LSMEM2: variants seen among roughly 807,000 people sequenced by gnomAD.
LSMEM2 encodes leucine rich single-pass membrane protein 2.
In LSMEM2, 20 loss-of-function variants were observed where a neutral mutation model predicts 17.3. That is an observed-to-expected ratio of 1.16 (90% CI 0.81 to 1.68). The LOEUF is 1.68. Ranked by LOEUF, LSMEM2 falls within the 40% of genes most tolerant of loss-of-function variation. The pLI, the probability that LSMEM2 is intolerant of heterozygous loss-of-function variation, is 0.00. For missense variants in LSMEM2, 207 were observed against 214.3 expected, an observed-to-expected ratio of 0.97 and a Z score of 0.21; for synonymous variants, 94 against 97.8, an observed-to-expected ratio of 0.96 and a Z score of 0.23.
upstream of LSMEM2, among the ~76,000 whole-genome samples, chr3:50,278,267 G>A (rs1701319680): frequency 6.6e-6 from 1 of 152,194 alleles, no homozygotes; most frequent in African/African-American, 2.4e-5. Context: ...CAACCACAGA[G>A]GGAAAGCTGG....
intron 1 of LSMEM2, among the ~76,000 whole-genome samples, chr3:50,281,970 A>G (rs754380676): frequency 1.3e-5 from 2 of 152,032 alleles, no homozygotes; most frequent in Non-Finnish European, 1.5e-5. Context: ...TCCTGCCTTC[A>G]GCCTCCTGAG....
At chr3:50,279,363 G>A (rs190699124) in intron 1 of LSMEM2, among the ~76,000 whole-genome samples, 192 bp downstream of exon 1, 1 of 152,184 alleles carries the variant, frequency 6.6e-6, no homozygotes, top group East Asian at 1.9e-4. Flanking sequence ...GGAGCCCCTT[G>A]TCACCTCAGG....
chr3:50,287,319 A>AT lies in LSMEM2; in HGVS notation c.*122dup, dbSNP rs1189912315. On this transcript the variant is annotated 3_prime_UTR_variant, in exon 4 of 4. Coordinates refer to ENST00000316436, the MANE Select transcript of LSMEM2 (RefSeq NM_153215.3). ...ACATCTACACTATTTCCTTGGTGAG[A>AT]TTTTTGTACAAGAACCTGTTGTTAA... 2.9e-6 allele frequency: 4 copies of AT among 1,364,200 alleles called. No individual in the cohort carries two copies. The highest frequency in any genetic ancestry group is 4.1e-6 in the Non-Finnish European group (4 of 982,708). 84.5% of individuals were successfully genotyped at this position (1,364,200 alleles called of 1,614,324 possible).
At chr3:50,286,202 A>G (rs1701519269) in intron 1 of LSMEM2, among the ~76,000 whole-genome samples, 1 of 152,232 alleles carries the variant, frequency 6.6e-6, no homozygotes, top group Non-Finnish European at 1.5e-5. Context: ...AGAAATAAGC[A>G]GGCAGAGGAA....
rs144025924 is a variant in LSMEM2, at chr3:50,281,670, ATT to A, written c.58+2523_58+2524del. On this transcript the variant is annotated intron_variant, in intron 1 of 3. Transcript: ENST00000316436. ...GAGCCACTGCGCCCGGCAGCAGGGA[ATT>A]TTTTTTTTTTTTTTTTTTTTTTTGG... 9.8e-3 allele frequency among the ~76,000 whole-genome samples: 936 copies of A among 95,468 alleles called. 10 individuals are homozygous for A. Among genetic ancestry groups the A allele is most frequent in the African/African-American group, 0.036 (865 of 23,782 alleles). 62.6% of individuals were successfully genotyped at this position (95,468 alleles called of 152,430 possible).
Position 50,287,125 on chromosome 3 carries a change from A to G in LSMEM2, c.418A>G (p.Thr140Ala). 1.2e-6 allele frequency: 2 copies of G among 1,614,038 alleles called. No individual in the cohort carries two copies. Among genetic ancestry groups the G allele is most frequent in the South Asian group, 2.2e-5 (2 of 91,080 alleles). Residue 140 changes from threonine to alanine, a missense_variant, in exon 4 of 4, where the codon ACA becomes GCA. Transcript: ENST00000316436. The part of the protein sequence containing the change: ...LAHTLRTQEE[T>A]LLKLRLASLS... Reference sequence around the variant, plus strand: ...ACACACGCTCCGCACGCAGGAGGAGACACTACTCAAACTCCGCTTGGCCAG... The same window carrying G: ...ACACACGCTCCGCACGCAGGAGGAGGCACTACTCAAACTCCGCTTGGCCAG...
At chr3:50,286,424 G>A in intron 1 of LSMEM2, 47 bp from the exon 2 acceptor site, 3 of 1,535,952 alleles carry the variant, frequency 2.0e-6, no homozygotes, top group Non-Finnish European at 2.6e-6. Flanking sequence ...GTAGAAGGAA[G>A]GGGGTTGACC....
upstream of LSMEM2, among the ~76,000 whole-genome samples, chr3:50,278,120 G>A (rs1357753907): frequency 6.6e-6 from 1 of 152,210 alleles, no homozygotes; most frequent in Non-Finnish European, 1.5e-5. Context: ...AAGCCCCTGA[G>A]GTGGTAACAA....
chr3:50,285,477 C>A (rs886769227), intron 1 of LSMEM2, among the ~76,000 whole-genome samples: 3 of 150,668 alleles, frequency 2.0e-5, no homozygotes, highest in Non-Finnish European at 4.4e-5. Flanking sequence ...TCATCTCTAC[C>A]AAAAATACAA....
upstream of LSMEM2, among the ~76,000 whole-genome samples, chr3:50,278,000 T>C (rs1417021563): frequency 6.6e-6 from 1 of 152,132 alleles, no homozygotes; most frequent in Non-Finnish European, 1.5e-5. Flanking sequence ...TGGAAAAGAA[T>C]GTACACAGAA....
chr3:50,282,691 C>T (rs782189931), intron 1 of LSMEM2, among the ~76,000 whole-genome samples: 4 of 151,524 alleles, frequency 2.6e-5, no homozygotes, highest in African/African-American at 7.3e-5. Context: ...TCAAGACCAG[C>T]GTGGCCAAAA....
rs1553708500 is a variant in LSMEM2, at chr3:50,286,549, A to C, written c.137A>C (p.His46Pro). The change falls in exon 2 of 4, where the codon CAC (histidine) becomes CCC (proline). Residue 46 changes from histidine to proline, a missense_variant. Coordinates refer to ENST00000316436, the MANE Select transcript of LSMEM2 (RefSeq NM_153215.3). ...AACCACGTGCATGAGGTATGCCTGC[A>C]CCAGGTGGAGTCCATCAGCGACCTA... ...APNHVHEVCLHQVESISDLHS... is the reference protein window; with the variant it reads ...APNHVHEVCLPQVESISDLHS... 1.9e-6 allele frequency: 3 copies of C among 1,612,510 alleles called. No individual in the cohort carries two copies. The highest frequency in any genetic ancestry group is 2.5e-6 in the Non-Finnish European group (3 of 1,179,410).
chr3:50,285,324 C>T (rs782074959), intron 1 of LSMEM2, among the ~76,000 whole-genome samples: 5 of 151,204 alleles, frequency 3.3e-5, no homozygotes, highest in African/African-American at 4.9e-5. Context: ...GAGGGAGACT[C>T]CATCTTAAAA....
Position 50,287,760 on chromosome 3 carries a change from TTTAA to T in LSMEM2, c.*562_*565del, listed in dbSNP as rs782437905. 25 of 219,310 alleles carry T rather than the reference TTTAA, an allele frequency of 1.1e-4. No individual in the cohort carries two copies. The highest frequency in any genetic ancestry group is 1.9e-4 in the Non-Finnish European group (21 of 108,912). The allele number at this position is 219,310 out of a possible 1,614,324, so 13.6% of individuals were successfully genotyped here. A position where few individuals can be genotyped will look rare whatever the true frequency, so the allele number is the denominator to read the frequency against. ...AGACCACAGAAGGCTGACCGTTCTG[TTTAA>T]TTATCTGTAATAATCCTTAAAAATC... On this transcript the variant is annotated 3_prime_UTR_variant, in exon 4 of 4. Transcript: ENST00000316436.
At chr3:50,279,433 A>G (rs1168694035) in intron 1 of LSMEM2, among the ~76,000 whole-genome samples, 1 of 152,178 alleles carries the variant, frequency 6.6e-6, no homozygotes, top group African/African-American at 2.4e-5. Flanking sequence ...CTACCCAGTT[A>G]GGAGTGGGTC....
chr3:50,278,954 G>A (rs1027827296), upstream of LSMEM2: 204 of 718,640 alleles, frequency 2.8e-4, 2 homozygotes, highest in Admixed American at 1.5e-4. Context: ...GCTGGCCCAC[G>A]TGGATCACTC....
At chr3:50,279,952 T>C (rs1701355114) in intron 1 of LSMEM2, among the ~76,000 whole-genome samples, 1 of 151,820 alleles carries the variant, frequency 6.6e-6, no homozygotes, top group African/African-American at 2.4e-5. Flanking sequence ...CTCGGCTCAC[T>C]GCAACCTCCG....
chr3:50,288,006 T>G lies in LSMEM2; in HGVS notation c.*804T>G, dbSNP rs1701589283. 1.6e-6 allele frequency: 1 copy of G among 609,642 alleles called. No individual in the cohort carries two copies. The highest frequency in any genetic ancestry group is 2.8e-5 in the East Asian group (1 of 35,528). 37.8% of individuals were successfully genotyped at this position (609,642 alleles called of 1,614,324 possible). On this transcript the variant is annotated 3_prime_UTR_variant, in exon 4 of 4. Transcript: ENST00000316436. ...GACAGGAAGGGGCCACAGGGCTGAG[T>G]GCAGGGACAAAGGGGTCAGGGTCCC...
rs149564673 is a variant in LSMEM2 at position 50,282,549 on chromosome 3, G to A, written c.58+3378G>A. Among the ~76,000 whole-genome samples the A allele has an allele frequency of 5.2e-3, 794 of 152,232 alleles. 8 individuals carry two copies. Among genetic ancestry groups the A allele is most frequent in the African/African-American group, 0.018 (747 of 41,534 alleles). On this transcript the variant is annotated intron_variant, in intron 1 of 3. Transcript: ENST00000316436. Reference sequence around the variant, plus strand: ...TCTGGAGCTCTTGGCATCTGGACCAGGATTTTTAGACATCAAGTTAAAGAA... The same window carrying A: ...TCTGGAGCTCTTGGCATCTGGACCAAGATTTTTAGACATCAAGTTAAAGAA...
Sources: allele counts gnomAD v4.1 joint callset (sites outside exome capture counted in the v4.1 genomes callset), GRCh38; gene constraint gnomAD v4.1.1; transcripts MANE v1.5; gene names NCBI Gene and HGNC (gene_info 2026-07-23, HGNC 2026-07-21).